AMOTL1: variants seen among roughly 807,000 people sequenced by gnomAD.
The protein encoded by AMOTL1 is angiomotin-like protein 1.
Under a neutral mutation model 102.9 loss-of-function variants are expected in AMOTL1, and 45 were observed. The observed-to-expected ratio is 0.44, with a 90% CI of 0.34 to 0.56. The LOEUF (loss-of-function observed/expected upper bound fraction) is 0.56, where lower values mean the gene tolerates loss of function less well. Ranked by LOEUF, AMOTL1 falls within the 20% of genes least tolerant of loss-of-function variation. The probability of loss-of-function intolerance (pLI) is 0.01; values close to 1 mark genes in which losing one functional copy is unlikely to be tolerated. For synonymous variants in AMOTL1, 481 were observed against 484.7 expected (o/e 0.99, Z 0.10); for missense variants, 1,114 against 1,225.6 (o/e 0.91, Z 1.36).
chr11:94,867,261 G>A (rs1952902948), intron 11 of AMOTL1, among the ~76,000 whole-genome samples: 1 of 152,172 alleles, frequency 6.6e-6, no homozygotes, highest in South Asian at 2.1e-4. Flanking sequence ...CAAAGGAAAT[G>A]CACTTCAAAG....
chr11:94,769,133 C>G (rs1203563162), intron 1 of AMOTL1, among the ~76,000 whole-genome samples: 1 of 152,246 alleles, frequency 6.6e-6, no homozygotes, highest in Non-Finnish European at 1.5e-5. Context: ...CTTCTTTGTT[C>G]TCTCCCCAGA....
intron 3 of AMOTL1, among the ~76,000 whole-genome samples, chr11:94,747,440 A>C (rs140556464): frequency 6.6e-6 from 1 of 152,336 alleles, no homozygotes; most frequent in Non-Finnish European, 1.5e-5. Context: ...GCAAGGAGAA[A>C]GTGTTTTCTT....
intron 1 of AMOTL1, among the ~76,000 whole-genome samples, chr11:94,777,055 G>C (rs1052035209): frequency 3.3e-5 from 5 of 152,196 alleles, no homozygotes; most frequent in Non-Finnish European, 7.3e-5. Context: ...AACCAATCTA[G>C]CTTCTTGAAA....
In AMOTL1 at chr11:94,799,690, T is replaced by G. The variant is rs1387284218; in HGVS notation, c.500T>G (p.Val167Gly). 6.2e-7 allele frequency: 1 copy of G among 1,613,656 alleles called. No homozygotes were observed. The highest frequency in any genetic ancestry group is 8.5e-7 in the Non-Finnish European group (1 of 1,179,876). Residue 167 changes from valine (V) to glycine (G), a missense_variant, in exon 3 of 13, where the codon GTG becomes GGG. Val to Gly is a moderately radical substitution (Grantham distance 109). Coordinates refer to ENST00000433060, the MANE Select transcript of AMOTL1 (RefSeq NM_130847.3). This position sits in a 1 kb window ranked among gnomAD's most constrained non-coding sequence, Gnocchi z 4.5. ...GAACCGCAGGGTCAAGAACACCAGGTGGACAATACGGTGATGGAGAAACAG... is the reference window on the plus strand; with the variant it reads ...GAACCGCAGGGTCAAGAACACCAGGGGGACAATACGGTGATGGAGAAACAG... ...RQEPQGQEHQ[V>G]DNTVMEKQVR...
At chr11:94,847,288 G>C (rs900226086) in intron 6 of AMOTL1, among the ~76,000 whole-genome samples, 1 of 152,178 alleles carries the variant, frequency 6.6e-6, no homozygotes, top group Non-Finnish European at 1.5e-5. Flanking sequence ...CGAGCAGTGG[G>C]TTTGAAGGTC....
intron 4 of AMOTL1, among the ~76,000 whole-genome samples, chr11:94,822,914 G>C (rs1291116537): frequency 6.6e-6 from 1 of 152,198 alleles, no homozygotes; most frequent in Non-Finnish European, 1.5e-5. Context: ...GGCATGTGTA[G>C]TAGTAGCGAT....
At chr11:94,782,696 C>T (rs1951130321) in intron 1 of AMOTL1, among the ~76,000 whole-genome samples, 1 of 152,166 alleles carries the variant, frequency 6.6e-6, no homozygotes, top group African/African-American at 2.4e-5. Context: ...ACAGAATAGT[C>T]ACAATTATCT....
intron 1 of AMOTL1, among the ~76,000 whole-genome samples, chr11:94,779,462 C>T (rs751850484): frequency 1.3e-5 from 2 of 152,052 alleles, no homozygotes; most frequent in Non-Finnish European, 1.5e-5. Context: ...CTTTGCTTTC[C>T]GTAGTCAAGA....
chr11:94,746,142 GA>G (rs1329600912), intron 3 of AMOTL1, among the ~76,000 whole-genome samples: 1 of 152,164 alleles, frequency 6.6e-6, no homozygotes, highest in Non-Finnish European at 1.5e-5. Flanking sequence ...CCAAAAAGGG[GA>G]TTTTTTAAAA....
At chr11:94,834,458 G>A (rs1565373212) in intron 6 of AMOTL1, among the ~76,000 whole-genome samples, 2 of 152,048 alleles carry the variant, frequency 1.3e-5, no homozygotes, top group African/African-American at 4.8e-5. Flanking sequence ...GTGATGGTGG[G>A]CGCCTGTAGT....
At chr11:94,761,699 T>C (rs1373877592) in intron 3 of AMOTL1, among the ~76,000 whole-genome samples, 1 of 152,200 alleles carries the variant, frequency 6.6e-6, no homozygotes, top group Admixed American at 6.5e-5. Flanking sequence ...CTTCCCTCAC[T>C]TTGAGTTTAT....
At chr11:94,719,393 G>A (rs1447712195) in intron 1 of AMOTL1, among the ~76,000 whole-genome samples, 1 of 151,988 alleles carries the variant, frequency 6.6e-6, no homozygotes, top group Non-Finnish European at 1.5e-5. Context: ...TAAGTATAAT[G>A]TACATTATAT....
At chr11:94,839,033 T>C (rs753049054) in intron 6 of AMOTL1, among the ~76,000 whole-genome samples, 1 of 152,188 alleles carries the variant, frequency 6.6e-6, no homozygotes, top group African/African-American at 2.4e-5. Flanking sequence ...GATATCAGAT[T>C]TGGAGAGTAC....
In AMOTL1 at chr11:94,853,799, G is replaced by C. The variant is rs534414597; in HGVS notation, c.1795-134G>C. 32 of 924,496 alleles carry C rather than the reference G, an allele frequency of 3.5e-5. No individual in the cohort carries two copies. In the South Asian group the frequency reaches 4.6e-4, roughly 13 times the overall value. The allele number at this position is 924,496 out of a possible 1,614,324, so 57.3% of individuals were successfully genotyped here. A position where few individuals can be genotyped will look rare whatever the true frequency, so the allele number is the denominator to read the frequency against. On this transcript the variant is annotated intron_variant, in intron 7 of 12. Coordinates refer to ENST00000433060, the MANE Select transcript of AMOTL1 (RefSeq NM_130847.3). ...CTGTTCCAGTGCACTTGAAGGATAGGAGTAGGGCGGTGGGAGGTACGTGCA... is the reference window on the plus strand; with the variant it reads ...CTGTTCCAGTGCACTTGAAGGATAGCAGTAGGGCGGTGGGAGGTACGTGCA...
chr11:94,761,941 A>G, intron 3 of AMOTL1, among the ~76,000 whole-genome samples: 1 of 152,242 alleles, frequency 6.6e-6, no homozygotes. Context: ...TGTTTTCAGT[A>G]TAAACATCCA....
chr11:94,818,548 A>G (rs1951806196), intron 3 of AMOTL1, among the ~76,000 whole-genome samples: 1 of 152,238 alleles, frequency 6.6e-6, no homozygotes, highest in Admixed American at 6.5e-5. Context: ...TAAGACCAAC[A>G]GTTATTTTAC....
chr11:94,709,397 C>A (rs898134940), intron 1 of AMOTL1, among the ~76,000 whole-genome samples: 2 of 152,122 alleles, frequency 1.3e-5, no homozygotes, highest in African/African-American at 4.8e-5. Context: ...CAGTGTTTGC[C>A]AATTTTCATG....
intron 6 of AMOTL1, among the ~76,000 whole-genome samples, chr11:94,835,620 G>GT (rs1441052194): frequency 2.6e-5 from 4 of 152,198 alleles, no homozygotes; most frequent in African/African-American, 7.2e-5. Flanking sequence ...TGAATTGAGT[G>GT]GGACCTGATT....
intron 8 of AMOTL1, among the ~76,000 whole-genome samples, chr11:94,857,421 A>G (rs945667321): frequency 2.6e-5 from 4 of 152,152 alleles, no homozygotes; most frequent in Non-Finnish European, 5.9e-5. Flanking sequence ...GGGTGGAGAG[A>G]GAAAGATAGG....
Sources: gnomAD v4.1 joint callset for allele counts (sites outside exome capture counted in the v4.1 genomes callset) on GRCh38, gnomAD v4.1.1 for gene constraint, Gnocchi (gnomAD v3.1) non-coding constraint, MANE v1.5 for transcripts, NCBI Gene and HGNC (gene_info 2026-07-23, HGNC 2026-07-21) for gene names.